The following DCLK2 variants were observed in gnomAD, a reference collection of about 807,000 sequenced individuals.
DCLK2 encodes serine/threonine-protein kinase DCLK2.
Under a neutral mutation model 78.4 loss-of-function variants are expected in DCLK2, and 31 were observed. The observed-to-expected ratio is 0.40, with a 90% CI of 0.30 to 0.53. The LOEUF is 0.53. Ranked by LOEUF, DCLK2 falls within the 20% of genes least tolerant of loss-of-function variation. DCLK2 has a pLI of 0.61. For synonymous variants in DCLK2, 407 were observed against 374.9 expected (o/e 1.09, Z -0.99); for missense variants, 872 against 973.7 (o/e 0.90, Z 1.39).
intron 12 of DCLK2, among the ~76,000 whole-genome samples, chr4:150,246,904 G>A (rs1348352309): frequency 6.6e-6 from 1 of 152,072 alleles, no homozygotes; most frequent in East Asian, 1.9e-4. Context: ...ATTCTGCTTG[G>A]CATCTTGGGT....
chr4:150,084,681 T>C (rs1240397728), intron 1 of DCLK2, among the ~76,000 whole-genome samples: 1 of 152,192 alleles, frequency 6.6e-6, no homozygotes, highest in African/African-American at 2.4e-5. Flanking sequence ...GATTAATATC[T>C]AATGGGTTTT....
chr4:150,210,062 A>G (rs1214212310), intron 5 of DCLK2, among the ~76,000 whole-genome samples: 2 of 152,166 alleles, frequency 1.3e-5, no homozygotes, highest in Non-Finnish European at 2.9e-5. Context: ...GCTACAGGGC[A>G]AGACTCTGAC....
intron 2 of DCLK2, among the ~76,000 whole-genome samples, chr4:150,106,315 C>T (rs1731248734): frequency 6.6e-6 from 1 of 152,042 alleles, no homozygotes; most frequent in Non-Finnish European, 1.5e-5. Context: ...ATGAGCAGTG[C>T]TCATTTTGAT....
intron 5 of DCLK2, among the ~76,000 whole-genome samples, chr4:150,209,260 G>A (rs1740109815): frequency 6.6e-6 from 1 of 152,178 alleles, no homozygotes; most frequent in Non-Finnish European, 1.5e-5. Context: ...TTTCCTGAAG[G>A]TCAGGGCTGC....
chr4:150,188,472 A>G (rs963626763), intron 2 of DCLK2, among the ~76,000 whole-genome samples: 5 of 152,152 alleles, frequency 3.3e-5, no homozygotes, highest in African/African-American at 7.2e-5. Context: ...AGAAAATTGT[A>G]TAATTTGGTT....
rs534791510 is a variant in DCLK2 at position 150,254,197 on chromosome 4, C to T, written c.2074-1823C>T. 3.9e-5 allele frequency among the ~76,000 whole-genome samples: 6 copies of T among 152,322 alleles called. No individual in the cohort carries two copies. The South Asian group carries it at 6.2e-4, about 16-fold the overall frequency. ...AGAAGCCGCCGTCACTCGGCGCCTG[C>T]GGTGCAGACTTGAGAAGGGACGGAT... On this transcript the variant is annotated intron_variant, in intron 15 of 15. Transcript: ENST00000296550.
intron 12 of DCLK2, among the ~76,000 whole-genome samples, chr4:150,245,806 G>A (rs1706040260): frequency 6.6e-6 from 1 of 152,138 alleles, no homozygotes; most frequent in African/African-American, 2.4e-5. Flanking sequence ...TACACTGTTG[G>A]TGGGACTGTA....
At chr4:150,230,414 G>T (rs1741952295) in intron 8 of DCLK2, among the ~76,000 whole-genome samples, 1 of 152,120 alleles carries the variant, frequency 6.6e-6, no homozygotes, top group South Asian at 2.1e-4. Flanking sequence ...CACAAACACA[G>T]CCCCCAGGGA....
Position 150,080,120 on chromosome 4 carries a change from C to G in DCLK2, c.421+672C>G, listed in dbSNP as rs940975244. 5.3e-5 allele frequency among the ~76,000 whole-genome samples: 8 copies of G among 151,162 alleles called. No individual in the cohort carries two copies. In the South Asian group the frequency reaches 8.4e-4, roughly 16 times the overall value. On this transcript the variant is annotated intron_variant, in intron 1 of 15. Transcript: ENST00000296550. ...GTCTGGAGTCTCAAAAGCCCCCCCC[C>G]CAGGTGATTCTAATGTGGGACCCTG...
chr4:150,244,074 CAT>C (rs1172513612), intron 12 of DCLK2, among the ~76,000 whole-genome samples: 1 of 152,044 alleles, frequency 6.6e-6, no homozygotes. Flanking sequence ...GCTGAGACCA[CAT>C]GTGTGCACCA....
chr4:150,112,170 C>T (rs866807481), intron 2 of DCLK2, among the ~76,000 whole-genome samples: 9 of 152,038 alleles, frequency 5.9e-5, no homozygotes, highest in South Asian at 4.2e-4. Flanking sequence ...TTCTAGAGAT[C>T]GCTCATCTCC....
At chr4:150,105,083 A>C (rs753906208) in intron 2 of DCLK2, among the ~76,000 whole-genome samples, 3 of 152,174 alleles carry the variant, frequency 2.0e-5, no homozygotes, top group African/African-American at 7.2e-5. Context: ...CTAAATCATC[A>C]TTCTCATACC....
chr4:150,085,210 C>T (rs1426310824), intron 1 of DCLK2, among the ~76,000 whole-genome samples: 1 of 152,186 alleles, frequency 6.6e-6, no homozygotes, highest in Non-Finnish European at 1.5e-5. Flanking sequence ...CATTCTACCA[C>T]CTGAGAGGAA....
chr4:150,092,969 G>C (rs1372092171), intron 1 of DCLK2, among the ~76,000 whole-genome samples: 1 of 152,008 alleles, frequency 6.6e-6, no homozygotes, highest in African/African-American at 2.4e-5. Flanking sequence ...GAAATAAAAG[G>C]TACCTAAATC....
At chr4:150,237,742 C>A (rs2126590972) in intron 10 of DCLK2, among the ~76,000 whole-genome samples, 1 of 152,280 alleles carries the variant, frequency 6.6e-6, no homozygotes, top group South Asian at 2.1e-4. Context: ...GAAAAAACAT[C>A]ATTTTCTAAA....
chr4:150,081,809 A>G (rs1443667998), intron 1 of DCLK2, among the ~76,000 whole-genome samples: 4 of 146,874 alleles, frequency 2.7e-5, no homozygotes, highest in Non-Finnish European at 4.5e-5. Flanking sequence ...CTGACAAACA[A>G]GGTGAAACCC....
intron 2 of DCLK2, among the ~76,000 whole-genome samples, chr4:150,139,924 A>T (rs565403811): frequency 6.6e-6 from 1 of 152,220 alleles, no homozygotes; most frequent in South Asian, 2.1e-4. Flanking sequence ...TCCAAATGAC[A>T]TGGTTGGTTT....
At chr4:150,104,264 T>G (rs1731081892) in intron 2 of DCLK2, among the ~76,000 whole-genome samples, 1 of 151,652 alleles carries the variant, frequency 6.6e-6, no homozygotes, top group Non-Finnish European at 1.5e-5. Flanking sequence ...GGTGCACTCC[T>G]ATAGTTCCAG....
At chr4:150,137,560 G>A (rs1047712090) in intron 2 of DCLK2, among the ~76,000 whole-genome samples, 2 of 152,142 alleles carry the variant, frequency 1.3e-5, no homozygotes, top group African/African-American at 4.8e-5. Flanking sequence ...ATGAGTGAAA[G>A]TTAAATGACT....
Sources: allele counts gnomAD v4.1 joint callset (sites outside exome capture counted in the v4.1 genomes callset), GRCh38; gene constraint gnomAD v4.1.1; transcripts MANE v1.5; gene names NCBI Gene and HGNC (gene_info 2026-07-23, HGNC 2026-07-21).